LRRC52: variants seen among roughly 807,000 people sequenced by gnomAD.
LRRC52 encodes the protein leucine rich repeat containing 52.
LRRC52 carries 15 observed loss-of-function variants against 14.7 expected under a neutral mutation model. The ratio of observed to expected loss-of-function variants is 1.02; its 90% CI spans 0.68 to 1.58. LRRC52 has a LOEUF of 1.58. Ranked by LOEUF, LRRC52 falls within the 40% of genes most tolerant of loss-of-function variation. The pLI is 0.00. For missense variants in LRRC52, 400 were observed against 387.7 expected, an observed-to-expected ratio of 1.03 and a Z score of -0.27; for synonymous variants, 180 against 163.9, an observed-to-expected ratio of 1.10 and a Z score of -0.75.
intron 1 of LRRC52, among the ~76,000 whole-genome samples, chr1:165,550,583 G>A (rs1661111833): frequency 6.6e-6 from 1 of 152,232 alleles, no homozygotes; most frequent in African/African-American, 2.4e-5. Context: ...TGGCTATAGA[G>A]AAAAGCCCAG....
In LRRC52 at chr1:165,544,208, T is replaced by TCCC; in HGVS notation, c.-86_-84dup. The TCCC allele has an allele frequency of 8.9e-6, 4 of 448,096 alleles. No homozygotes were observed. Among genetic ancestry groups the TCCC allele is most frequent in the African/African-American group, 2.3e-5 (1 of 42,612 alleles). 27.8% of individuals were successfully genotyped at this position (448,096 alleles called of 1,614,324 possible). A position where few individuals can be genotyped will look rare whatever the true frequency, so the allele number is the denominator to read the frequency against. ...GTGTTACAGTTCTTTCCAGAGCCCC[T>TCCC]CCCCCGCCCCACCCCCCCACCGGCA... On this transcript the variant is annotated 5_prime_UTR_variant, in exon 1 of 2. Transcript: ENST00000294818.
chr1:165,548,278 T>G (rs1661063996), intron 1 of LRRC52, among the ~76,000 whole-genome samples: 2 of 152,222 alleles, frequency 1.3e-5, no homozygotes, highest in Non-Finnish European at 2.9e-5. Context: ...AGCAATGCAG[T>G]GAAGTAAAGG....
Position 165,544,695 on chromosome 1 carries a change from C to T in LRRC52, c.399C>T (p.Ala133=), listed in dbSNP as rs144317602. ...GCAACCTGGTGCAGCTGAACATTGCCAACAACCCTCACCTGTTATCGCTTC... is the reference window on the plus strand; with the variant it reads ...GCAACCTGGTGCAGCTGAACATTGCTAACAACCCTCACCTGTTATCGCTTC... The part of the protein sequence containing the change: ...VLSNLVQLNI[A]NNPHLLSLHK... The change falls in exon 1 of 2, where the codon GCC becomes GCT. Residue 133 remains alanine (A), a synonymous_variant. Transcript: ENST00000294818. 2 of 1,614,094 alleles carry T rather than the reference C, an allele frequency of 1.2e-6. No individual in the cohort carries two copies. Among genetic ancestry groups the T allele is most frequent in the Non-Finnish European group, 1.7e-6 (2 of 1,180,034 alleles).
At chr1:165,560,630 A>C (rs1661320760) in intron 1 of LRRC52, among the ~76,000 whole-genome samples, 1 of 152,160 alleles carries the variant, frequency 6.6e-6, no homozygotes, top group Non-Finnish European at 1.5e-5. Flanking sequence ...GGGGTGGTTG[A>C]GGGAGGTCTC....
chr1:165,544,245 A>T lies in LRRC52; in HGVS notation c.-52A>T. On this transcript the variant is annotated 5_prime_UTR_variant, in exon 1 of 2. Transcript: ENST00000294818. ...CCCCCCCACCGGCAGCCTTCGGATC[A>T]GAGGACAGAGCCCGCAGGAAGGTGA... 1 of 1,472,766 alleles carries T rather than the reference A, an allele frequency of 6.8e-7. No homozygotes were observed. Among genetic ancestry groups the T allele is most frequent in the Non-Finnish European group, 9.1e-7 (1 of 1,101,848 alleles). The allele number at this position is 1,472,766 out of a possible 1,614,324, so 91.2% of individuals were successfully genotyped here.
chr1:165,552,346 T>G (rs1056727747), intron 1 of LRRC52, among the ~76,000 whole-genome samples: 5 of 152,208 alleles, frequency 3.3e-5, no homozygotes, highest in Non-Finnish European at 7.3e-5. Context: ...CAACCTCAGT[T>G]TGCTCATCTT....
chr1:165,551,970 G>T (rs1270366307), intron 1 of LRRC52, among the ~76,000 whole-genome samples: 1 of 123,894 alleles, frequency 8.1e-6, no homozygotes, highest in South Asian at 2.5e-4. Context: ...AAGACCAAAG[G>T]CTAAAAAAGA....
Position 165,563,784 on chromosome 1 carries a change from C to T in LRRC52, c.902C>T (p.Thr301Ile). 6.2e-7 allele frequency: 1 copy of T among 1,614,166 alleles called. No homozygotes were observed. The highest frequency in any genetic ancestry group is 2.2e-5 in the East Asian group (1 of 44,878). The change falls in exon 2 of 2, where the codon ACC (threonine) becomes ATC (isoleucine). Residue 301 changes from threonine to isoleucine, a missense_variant. Physicochemically the swap from Thr to Ile is moderately conservative, Grantham distance 89. Coordinates refer to ENST00000294818, the MANE Select transcript of LRRC52 (RefSeq NM_001005214.4). Reference sequence around the variant, plus strand: ...GAAGTCAGCCGGCGGATTTTTCAAACCCAGACGAGCTCGGTCCAGGAGTTC... The same window carrying T: ...GAAGTCAGCCGGCGGATTTTTCAAATCCAGACGAGCTCGGTCCAGGAGTTC... ...RVEVSRRIFQ[T>I]QTSSVQEFPQ...
At chr1:165,545,031 C>T (rs1216906488) in intron 1 of LRRC52, 113 bp downstream of exon 1, 11 of 1,336,378 alleles carry the variant, frequency 8.2e-6, no homozygotes, top group South Asian at 6.8e-5. Flanking sequence ...TGATTGAATG[C>T]ATTCTTATTA....
chr1:165,558,201 AGGT>A (rs575481383), intron 1 of LRRC52, among the ~76,000 whole-genome samples: 135 of 152,192 alleles, frequency 8.9e-4, no homozygotes, highest in African/African-American at 2.9e-3. Context: ...GAAATAAACC[AGGT>A]GGTGGTTTAT....
rs770530086 is a variant in LRRC52 at position 165,544,774 on chromosome 1, A to T, written c.478A>T (p.Thr160Ser). 6 of 1,613,948 alleles carry T rather than the reference A, an allele frequency of 3.7e-6. No individual in the cohort carries two copies. In the Admixed American group the frequency reaches 1.0e-4, roughly 27 times the overall value. Residue 160 changes from threonine (T) to serine (S), a missense_variant, in exon 1 of 2, where the codon ACC becomes TCC. By Grantham distance (58) the Thr-to-Ser change is moderately conservative. Transcript: ENST00000294818. The stretch of plus-strand genomic sequence containing the variant: ...TTTGAGGTACCTGGACCTCAGAAAT[A>T]CCGGCTTGCAGACCCTGGACAGTGC... ...TSLRYLDLRN[T>S]GLQTLDSAAL...
chr1:165,544,616 A>C lies in LRRC52; in HGVS notation c.320A>C (p.Asp107Ala), dbSNP rs1025568623. 6.2e-7 allele frequency: 1 copy of C among 1,612,280 alleles called. No homozygotes were observed. The highest frequency in any genetic ancestry group is 1.7e-5 in the Admixed American group (1 of 59,760). The change falls in exon 1 of 2, where the codon GAC becomes GCC. Residue 107 changes from aspartate (D) to alanine (A), a missense_variant. Asp to Ala is a moderately radical substitution (Grantham distance 126). Coordinates refer to ENST00000294818, the MANE Select transcript of LRRC52 (RefSeq NM_001005214.4). ...FIGVFKLIYL[D>A]LSSNNLTSIS... Reference sequence around the variant, plus strand: ...GGGGTCTTCAAACTCATCTACCTTGACCTCAGCTCCAACAACCTAACCTCG... The same window carrying C: ...GGGGTCTTCAAACTCATCTACCTTGCCCTCAGCTCCAACAACCTAACCTCG...
rs183555651 is a variant in LRRC52 at position 165,546,104 on chromosome 1, G to A, written c.622+1186G>A. ...CAAGTGGTGACAGTAAGTAAAAAAC[G>A]TGCCCTCCTGGCTTCCCAATGGGTG... is the stretch of plus-strand genomic sequence containing the variant. On this transcript the variant is annotated intron_variant, in intron 1 of 1. Coordinates refer to ENST00000294818, the MANE Select transcript of LRRC52 (RefSeq NM_001005214.4). Among the ~76,000 whole-genome samples the A allele has an allele frequency of 2.9e-3, 442 of 152,184 alleles. 2 individuals are homozygous for A. Among genetic ancestry groups the A allele is most frequent in the Non-Finnish European group, 4.5e-3 (307 of 68,018 alleles).
rs1473451374 is a variant in LRRC52, at chr1:165,544,557, C to T, written c.261C>T (p.Asn87=). 6.2e-6 allele frequency: 10 copies of T among 1,613,952 alleles called. No individual in the cohort carries two copies. The East Asian group carries it at 2.2e-4, about 36-fold the overall frequency. Residue 87 remains asparagine (N), a synonymous_variant, in exon 1 of 2, where the codon AAC becomes AAT. Coordinates refer to ENST00000294818, the MANE Select transcript of LRRC52 (RefSeq NM_001005214.4). ...TTGTTTATTTGGACTGTCAGAACAACCGGATTCGAGAGGTGATGGATTATA... is the reference window on the plus strand; with the variant it reads ...TTGTTTATTTGGACTGTCAGAACAATCGGATTCGAGAGGTGATGGATTATA... ...SDLVYLDCQN[N]RIREVMDYTF...
At chr1:165,548,495 G>A (rs1270088263) in intron 1 of LRRC52, among the ~76,000 whole-genome samples, 1 of 152,144 alleles carries the variant, frequency 6.6e-6, no homozygotes, top group Non-Finnish European at 1.5e-5. Flanking sequence ...GGACAAACGA[G>A]GCCAGCATGT....
chr1:165,545,745 T>C (rs1317996129), intron 1 of LRRC52, among the ~76,000 whole-genome samples: 2 of 152,120 alleles, frequency 1.3e-5, no homozygotes, highest in Admixed American at 6.5e-5. Context: ...CTTTACTGTC[T>C]CATCCTTACC....
At chr1:165,550,835 C>T (rs755707119) in intron 1 of LRRC52, among the ~76,000 whole-genome samples, 17 of 152,208 alleles carry the variant, frequency 1.1e-4, no homozygotes, top group Non-Finnish European at 2.9e-5. Context: ...CCAGGAAGCC[C>T]TGTCTTGATC....
rs1660962338 is a variant in LRRC52, at chr1:165,544,209, CCCCCGCCCCA to C, written c.-83_-74del. On this transcript the variant is annotated 5_prime_UTR_variant, in exon 1 of 2. Coordinates refer to ENST00000294818, the MANE Select transcript of LRRC52 (RefSeq NM_001005214.4). The stretch of plus-strand genomic sequence containing the variant: ...TGTTACAGTTCTTTCCAGAGCCCCT[CCCCCGCCCCA>C]CCCCCCCACCGGCAGCCTTCGGATC... The C allele has an allele frequency of 6.5e-6, 6 of 926,438 alleles. 1 individual carries two copies. The highest frequency in any genetic ancestry group is 6.2e-5 in the African/African-American group (3 of 48,494). 57.4% of individuals were successfully genotyped at this position (926,438 alleles called of 1,614,324 possible).
At position 165,544,736 on chromosome 1, in the gene LRRC52, C is replaced by T; in HGVS notation, c.440C>T (p.Ala147Val). 1.2e-6 allele frequency: 2 copies of T among 1,614,096 alleles called. No homozygotes were observed. The highest frequency in any genetic ancestry group is 1.7e-6 in the Non-Finnish European group (2 of 1,180,026). The change falls in exon 1 of 2, where the codon GCC (alanine) becomes GTC (valine). Residue 147 changes from alanine to valine, a missense_variant. Transcript: ENST00000294818. ...TTATCGCTTCACAAGTTCACCTTTG[C>T]CAACACCACCTCTTTGAGGTACCTG... Reference protein sequence around the residue: ...HLLSLHKFTFANTTSLRYLDL... With the variant: ...HLLSLHKFTFVNTTSLRYLDL...
Sources: gnomAD v4.1 joint callset for allele counts (sites outside exome capture counted in the v4.1 genomes callset) on GRCh38, gnomAD v4.1.1 for gene constraint, MANE v1.5 for transcripts, NCBI Gene and HGNC (gene_info 2026-07-23, HGNC 2026-07-21) for gene names.